Variants in LRP1B observed in about 807,000 individuals in gnomAD.
The protein encoded by LRP1B is low-density lipoprotein receptor-related protein 1B.
Under a neutral mutation model 556.6 loss-of-function variants are expected in LRP1B, and 217 were observed. The observed-to-expected ratio is 0.39, with a 90% confidence interval of 0.35 to 0.44. The LOEUF is 0.44. LRP1B is among the 20% of genes least tolerant of loss of function. LRP1B has a pLI of 1.00. For missense variants in LRP1B, 5,053 were observed against 5,620.8 expected (o/e 0.90, Z 3.23); for synonymous variants, 2,047 against 1,865.8 (o/e 1.10, Z -2.50).
intron 87 of LRP1B, among the ~76,000 whole-genome samples, chr2:140,241,296 G>A (rs1185971770): frequency 2.0e-5 from 3 of 150,740 alleles, no homozygotes; most frequent in Non-Finnish European, 3.0e-5. Flanking sequence ...CCAGAGAACA[G>A]CTTGGTTTCT....
intron 7 of LRP1B, among the ~76,000 whole-genome samples, chr2:141,082,865 C>T (rs925088892): frequency 3.3e-5 from 5 of 152,248 alleles, no homozygotes; most frequent in South Asian, 2.1e-4. Flanking sequence ...TCATTGTGAC[C>T]ATCTTCACCC....
chr2:141,874,084 A>ATTT (rs200281267), intron 1 of LRP1B, among the ~76,000 whole-genome samples: 49 of 103,122 alleles, frequency 4.8e-4, no homozygotes, highest in East Asian at 1.8e-3. Context: ...TGAACTAACA[A>ATTT]TTTTTTTTTT....
intron 66 of LRP1B, among the ~76,000 whole-genome samples, chr2:140,421,045 C>G (rs1685419448): frequency 6.6e-6 from 1 of 152,056 alleles, no homozygotes. Flanking sequence ...CACCTCCGGT[C>G]AGGAATTCAA....
chr2:141,847,084 A>G (rs924328068), intron 1 of LRP1B, among the ~76,000 whole-genome samples: 6 of 151,528 alleles, frequency 4.0e-5, no homozygotes, highest in Non-Finnish European at 8.9e-5. Context: ...ATGTTCACTT[A>G]CATAGAAAAT....
intron 1 of LRP1B, among the ~76,000 whole-genome samples, chr2:142,051,704 T>A (rs745329505): frequency 1.1e-4 from 16 of 152,062 alleles, no homozygotes; most frequent in Non-Finnish European, 2.1e-4. Flanking sequence ...CTCGAACTCT[T>A]GACCTTGTGA....
chr2:140,266,024 A>C (rs1053296278), intron 86 of LRP1B, among the ~76,000 whole-genome samples: 1 of 151,976 alleles, frequency 6.6e-6, no homozygotes, highest in Admixed American at 6.6e-5. Context: ...CTCCTGAACC[A>C]TCTCTCTCTC....
At chr2:141,905,280 G>A (rs1699723102) in intron 1 of LRP1B, among the ~76,000 whole-genome samples, 1 of 151,790 alleles carries the variant, frequency 6.6e-6, no homozygotes, top group Non-Finnish European at 1.5e-5. Context: ...TGTAATGGTG[G>A]GAAGGCTGAG....
chr2:140,802,074 A>G (rs1217895639), intron 32 of LRP1B, among the ~76,000 whole-genome samples: 1 of 152,176 alleles, frequency 6.6e-6, no homozygotes, highest in Non-Finnish European at 1.5e-5. Flanking sequence ...GAAACTATAG[A>G]ACCGCTATAG....
chr2:140,847,592 C>A (rs533018843), intron 29 of LRP1B, among the ~76,000 whole-genome samples: 1 of 151,924 alleles, frequency 6.6e-6, no homozygotes, highest in East Asian at 1.9e-4. Flanking sequence ...TGTGGTGAAA[C>A]CCCATCTCTA....
At chr2:141,856,297 C>T (rs1334063555) in intron 1 of LRP1B, among the ~76,000 whole-genome samples, 2 of 152,080 alleles carry the variant, frequency 1.3e-5, no homozygotes, top group East Asian at 3.9e-4. Flanking sequence ...TCTATCAATT[C>T]TATAGTCTAA....
intron 2 of LRP1B, among the ~76,000 whole-genome samples, chr2:141,616,878 A>G (rs1688319280): frequency 1.3e-5 from 2 of 152,110 alleles, no homozygotes; most frequent in African/African-American, 2.4e-5. Flanking sequence ...AAGCTCTTCA[A>G]TTGTAACTCT....
intron 21 of LRP1B, among the ~76,000 whole-genome samples, chr2:140,917,510 T>C (rs572724453): frequency 3.0e-4 from 45 of 152,072 alleles, no homozygotes; most frequent in African/African-American, 1.1e-3. Flanking sequence ...ATTCAAAGCT[T>C]AAAGATTTCA....
intron 1 of LRP1B, among the ~76,000 whole-genome samples, chr2:141,994,399 A>G (rs1702430003): frequency 6.6e-6 from 1 of 152,212 alleles, no homozygotes; most frequent in Non-Finnish European, 1.5e-5. Context: ...AATTCACGAA[A>G]GTCGATCGTG....
At chr2:141,009,700 T>C (rs1184906418) in intron 14 of LRP1B, among the ~76,000 whole-genome samples, 1 of 151,990 alleles carries the variant, frequency 6.6e-6, no homozygotes, top group Non-Finnish European at 1.5e-5. Context: ...CTAAAATCTC[T>C]AAATCCTGGA....
At chr2:141,698,241 ACAGTTGTGAG>A (rs1691803511) in intron 2 of LRP1B, among the ~76,000 whole-genome samples, 1 of 151,772 alleles carries the variant, frequency 6.6e-6, no homozygotes, top group East Asian at 1.9e-4. Context: ...TGCTGGAAAA[ACAGTTGTGAG>A]CAAGGCAAAA....
chr2:140,579,988 C>T (rs1379451409), intron 43 of LRP1B, among the ~76,000 whole-genome samples: 3 of 152,108 alleles, frequency 2.0e-5, no homozygotes, highest in Non-Finnish European at 4.4e-5. Context: ...TGGAGAAAAT[C>T]CATTGTTCTC....
intron 1 of LRP1B, among the ~76,000 whole-genome samples, chr2:142,112,625 T>G (rs186442388): frequency 7.9e-5 from 12 of 152,266 alleles, no homozygotes; most frequent in Non-Finnish European, 1.6e-4. Flanking sequence ...TTCCTCATTG[T>G]CTAAACTAGA....
rs185524474 is a variant in LRP1B at position 141,489,306 on chromosome 2, T to C, written c.206-8773A>G. Among the ~76,000 whole-genome samples the C allele has an allele frequency of 2.1e-3, 321 of 152,040 alleles. 2 individuals are homozygous for C. Among genetic ancestry groups the C allele is most frequent in the African/African-American group, 7.2e-3 (299 of 41,472 alleles). ...CCTTGGCCTCTTTTATTAAGAATGC[T>C]TTTCACACACAGTTAGATCCATTTT... On this transcript the variant is annotated intron_variant, in intron 2 of 90. Coordinates refer to ENST00000389484, the MANE Select transcript of LRP1B (RefSeq NM_018557.3).
intron 7 of LRP1B, among the ~76,000 whole-genome samples, chr2:141,071,645 C>G (rs908912449): frequency 1.3e-5 from 2 of 152,130 alleles, no homozygotes; most frequent in East Asian, 1.9e-4. Context: ...TGACAAGAAA[C>G]TTCAGCAAAG....
Sources: allele counts gnomAD v4.1 joint callset (sites outside exome capture counted in the v4.1 genomes callset), GRCh38; gene constraint gnomAD v4.1.1; transcripts MANE v1.5; gene names NCBI Gene and HGNC (gene_info 2026-07-23, HGNC 2026-07-21).